The following COL1A1 variants were observed in gnomAD, a reference collection of about 807,000 sequenced individuals.
The protein encoded by COL1A1 is collagen alpha-1(I) chain.
In COL1A1, 21 loss-of-function variants were observed where a neutral mutation model predicts 195.7. That is an observed-to-expected ratio of 0.11 (90% CI 0.08 to 0.15). The LOEUF (loss-of-function observed/expected upper bound fraction) is 0.15. Ranked by LOEUF, COL1A1 falls within the 10% of genes least tolerant of loss-of-function variation. COL1A1 has a pLI of 1.00. For missense variants in COL1A1, 1,365 were observed against 2,051.0 expected (o/e 0.67, Z 6.46); for synonymous variants, 749 against 747.3 (o/e 1.00, Z -0.04).
chr17:50,194,298 C>T lies in COL1A1; in HGVS notation c.1614+51G>A, dbSNP rs1907366267. 1.9e-6 allele frequency: 3 copies of T among 1,607,148 alleles called. No homozygotes were observed. In the East Asian group the frequency reaches 6.7e-5, roughly 36 times the overall value. ...CCAGAACGCCTCATCCCAGACCCTA[C>T]ACGGGATGGTCAGGGCCTGGCCAAG... On this transcript the variant is annotated intron_variant, in intron 23 of 50. Coordinates refer to ENST00000225964, the MANE Select transcript of COL1A1 (RefSeq NM_000088.4). The surrounding 1 kb of genome is among the most constrained non-coding windows in gnomAD (Gnocchi z 6.8).
Position 50,197,103 on chromosome 17 carries a change from C to T in COL1A1, c.751-40G>A, listed in dbSNP as rs1023676679. 7.4e-6 allele frequency: 12 copies of T among 1,613,960 alleles called. No individual in the cohort carries two copies. The Admixed American group carries it at 1.5e-4, about 20-fold the overall frequency. On this transcript the variant is annotated intron_variant, in intron 10 of 50. Transcript: ENST00000225964. ...AGAAGACAAGGAAGGGCCATTAGAA[C>T]ACATCACTGTGGACCCAGCTCCTAA...
chr17:50,192,155 AT>A, intron 29 of COL1A1, 131 bp from the exon 30 acceptor site: 1 of 1,019,152 alleles, frequency 9.8e-7, no homozygotes, highest in Non-Finnish European at 1.5e-6. Context: ...CTGAATTGAG[AT>A]TATCCCAAAC....
rs1178374235 is a variant in COL1A1, at chr17:50,190,123, A to G, written c.2452-15T>C. On this transcript the variant is annotated splice_polypyrimidine_tract_variant and intron_variant, in intron 35 of 50. Transcript: ENST00000225964. The surrounding 1 kb of genome is among the most constrained non-coding windows in gnomAD (Gnocchi z 4.7). ...CCGTCAGCACCCTGGGGGAGGAAGC[A>G]GGGCGGTGAATGGAGGGAAGGAGGC... 1 of 1,610,354 alleles carries G rather than the reference A, an allele frequency of 6.2e-7. No homozygotes were observed.
chr17:50,186,939 G>T lies in COL1A1; in HGVS notation c.3532-17C>A. ...GGGGGGACCCTGCACAGAGAGGGAAGAGAGTGGGGATTACCGGCATCCAAG... is the reference window on the plus strand; with the variant it reads ...GGGGGGACCCTGCACAGAGAGGGAATAGAGTGGGGATTACCGGCATCCAAG... On this transcript the variant is annotated splice_polypyrimidine_tract_variant and intron_variant, in intron 47 of 50. Coordinates refer to ENST00000225964, the MANE Select transcript of COL1A1 (RefSeq NM_000088.4). This position sits in a 1 kb window ranked among gnomAD's most constrained non-coding sequence, Gnocchi z 5.3. 1 of 1,613,418 alleles carries T rather than the reference G, an allele frequency of 6.2e-7. No homozygotes were observed.
rs377123276 is a variant in COL1A1, at chr17:50,188,643, G to A, written c.3100-6C>T. The A allele has an allele frequency of 5.4e-5, 87 of 1,613,766 alleles. No homozygotes were observed. In the Middle Eastern group the frequency reaches 6.6e-4, roughly 12 times the overall value. ...CCGGTCTCACCACGGTCACCCTGGC[G>A]GGGAGAGCAGGGGAATATGGGTCAG... is the stretch of plus-strand genomic sequence containing the variant. On this transcript the variant is annotated splice_region_variant and splice_polypyrimidine_tract_variant and intron_variant, in intron 42 of 50. Coordinates refer to ENST00000225964, the MANE Select transcript of COL1A1 (RefSeq NM_000088.4). The surrounding 1 kb of genome is among the most constrained non-coding windows in gnomAD (Gnocchi z 5.6).
chr17:50,199,649 A>C, intron 2 of COL1A1, 59 bp from the exon 3 acceptor site: 1 of 1,612,828 alleles, frequency 6.2e-7, no homozygotes, highest in Non-Finnish European at 8.5e-7. Context: ...TCCCGTCGGC[A>C]GAGGCCTCCA....
intron 11 of COL1A1, 99 bp from the exon 12 acceptor site, chr17:50,196,769 C>T (rs1028493260): frequency 3.0e-5 from 41 of 1,356,444 alleles, no homozygotes; most frequent in African/African-American, 1.3e-4. Flanking sequence ...AGGTCATCAC[C>T]GCCATCCCTT....
At chr17:50,193,770 C>T (rs1030560137) in intron 25 of COL1A1, 173 bp downstream of exon 25, 11 of 688,702 alleles carry the variant, frequency 1.6e-5, no homozygotes, top group Admixed American at 6.2e-5. Context: ...CATGAGCCAC[C>T]GTGCCCCGCC....
rs776387246 is a variant in COL1A1 at position 50,195,298 on chromosome 17, G to A, written c.1233C>T (p.Phe411=). ...GAPGIAGAPG[F]PGARGPSGPQ... ...GTCCAGAGGGGCCTCGGGCACCAGG[G>A]AAGCCAGGAGCACCAGCAATACCAG... is the stretch of plus-strand genomic sequence containing the variant. The change falls in exon 19 of 51, where the codon TTC becomes TTT. Residue 411 remains phenylalanine (F), a synonymous_variant. Coordinates refer to ENST00000225964, the MANE Select transcript of COL1A1 (RefSeq NM_000088.4). The surrounding 1 kb of genome is among the most constrained non-coding windows in gnomAD (Gnocchi z 4.3). 4.1e-5 allele frequency: 66 copies of A among 1,613,822 alleles called. No individual in the cohort carries two copies. The highest frequency in any genetic ancestry group is 4.1e-5 in the Non-Finnish European group (48 of 1,179,934).
chr17:50,188,173 A>G lies in COL1A1; in HGVS notation c.3208-24T>C. 6.5e-7 allele frequency: 1 copy of G among 1,540,820 alleles called. No individual in the cohort carries two copies. Among genetic ancestry groups the G allele is most frequent in the Non-Finnish European group, 8.8e-7 (1 of 1,140,094 alleles). Reference sequence around the variant, plus strand: ...CCCTGGGGAGAGCAAGGAAAGCATGAGCTCTTGGCCAGGGAAGGCTGAGGC... The same window carrying G: ...CCCTGGGGAGAGCAAGGAAAGCATGGGCTCTTGGCCAGGGAAGGCTGAGGC... On this transcript the variant is annotated intron_variant, in intron 43 of 50. Transcript: ENST00000225964. This position sits in a 1 kb window ranked among gnomAD's most constrained non-coding sequence, Gnocchi z 5.6.
chr17:50,197,643 C>T lies in COL1A1; in HGVS notation c.696+89G>A, dbSNP rs1010085400. On this transcript the variant is annotated intron_variant, in intron 9 of 50. Transcript: ENST00000225964. The stretch of plus-strand genomic sequence containing the variant: ...GACTTGCCCTCCTTCCTCTGAGTAT[C>T]GTTCCCAAATGTGGTGGAGTGGAAA... The T allele has an allele frequency of 2.2e-5, 24 of 1,083,262 alleles. No individual in the cohort carries two copies. The South Asian group carries it at 3.0e-4, about 14-fold the overall frequency. The allele number at this position is 1,083,262 out of a possible 1,614,324, so 67.1% of individuals were successfully genotyped here. A position where few individuals can be genotyped will look rare whatever the true frequency, so the allele number is the denominator to read the frequency against.
At position 50,190,155 on chromosome 17, in the gene COL1A1, T is replaced by A. The variant is rs1229374283; in HGVS notation, c.2452-47A>T. ...TGAATGGAGGGAAGGAGGCAGGAGT[T>A]TCCACTACCTGGGGGAGGAGCAGTA... On this transcript the variant is annotated intron_variant, in intron 35 of 50. Coordinates refer to ENST00000225964, the MANE Select transcript of COL1A1 (RefSeq NM_000088.4). The surrounding 1 kb of genome is among the most constrained non-coding windows in gnomAD (Gnocchi z 4.7). The A allele has an allele frequency of 1.3e-6, 2 of 1,499,852 alleles. No homozygotes were observed. The highest frequency in any genetic ancestry group is 3.3e-5 in the Admixed American group (2 of 59,782). The allele number at this position is 1,499,852 out of a possible 1,614,324, so 92.9% of individuals were successfully genotyped here. A position where few individuals can be genotyped will look rare whatever the true frequency, so the allele number is the denominator to read the frequency against.
chr17:50,196,383 A>G lies in COL1A1; in HGVS notation c.904-16T>C, dbSNP rs772806486. On this transcript the variant is annotated splice_polypyrimidine_tract_variant and intron_variant, in intron 13 of 50. Coordinates refer to ENST00000225964, the MANE Select transcript of COL1A1 (RefSeq NM_000088.4). ...CACGGGGGCCCTGACAACCAAACCA[A>G]GAGAAGTCAGATGAGATGGGAGACA... 4.3e-6 allele frequency: 7 copies of G among 1,613,958 alleles called. No individual in the cohort carries two copies. Among genetic ancestry groups the G allele is most frequent in the Non-Finnish European group, 5.9e-6 (7 of 1,179,918 alleles).
intron 1 of COL1A1, 70 bp downstream of exon 1, chr17:50,201,341 C>G (rs1050336939): frequency 2.8e-6 from 4 of 1,418,122 alleles, no homozygotes; most frequent in Non-Finnish European, 3.9e-6. Context: ...CGTTTTAAGC[C>G]GCGGCCCCCG....
Position 50,185,791 on chromosome 17 carries a change from A to G in COL1A1, c.4235T>C (p.Val1412Ala), listed in dbSNP as rs1906452805. ...GNSRFTYSVT[V>A]DGCTSHTGAW... The stretch of plus-strand genomic sequence containing the variant: ...CTGGGCACTCACCGTGCAGCCATCG[A>G]CAGTGACGCTGTAGGTGAAGCGGCT... The change falls in exon 50 of 51, where the codon GTC (valine) becomes GCC (alanine). Residue 1412 changes from valine to alanine, a missense_variant. Coordinates refer to ENST00000225964, the MANE Select transcript of COL1A1 (RefSeq NM_000088.4). 2.5e-6 allele frequency: 4 copies of G among 1,613,818 alleles called. No individual in the cohort carries two copies. Among genetic ancestry groups the G allele is most frequent in the Middle Eastern group, 3.3e-4 (2 of 6,062 alleles).
At chr17:50,192,949 G>A (rs369507802) in intron 26 of COL1A1, 45 bp downstream of exon 26, 10 of 1,613,398 alleles carry the variant, frequency 6.2e-6, no homozygotes, top group African/African-American at 2.7e-5. Flanking sequence ...AGAAAGTGCC[G>A]GGGCAGCAAT....
At chr17:50,193,894 T>C in intron 25 of COL1A1, 49 bp downstream of exon 25, 1 of 1,535,708 alleles carries the variant, frequency 6.5e-7, no homozygotes. Context: ...CCTTCAAGTC[T>C]CAGGTGTGTT....
In COL1A1 at chr17:50,194,299, A is replaced by C; in HGVS notation, c.1614+50T>G. 2 of 1,603,084 alleles carry C rather than the reference A, an allele frequency of 1.2e-6. No homozygotes were observed. The highest frequency in any genetic ancestry group is 1.7e-6 in the Non-Finnish European group (2 of 1,170,436). ...CAGAACGCCTCATCCCAGACCCTAC[A>C]CGGGATGGTCAGGGCCTGGCCAAGC... On this transcript the variant is annotated intron_variant, in intron 23 of 50. Transcript: ENST00000225964. The surrounding 1 kb of genome is among the most constrained non-coding windows in gnomAD (Gnocchi z 6.8).
At position 50,195,576 on chromosome 17, in the gene COL1A1, A is replaced by C; in HGVS notation, c.1146T>G (p.Ala382=). 6.2e-7 allele frequency: 1 copy of C among 1,613,988 alleles called. No individual in the cohort carries two copies. The highest frequency in any genetic ancestry group is 8.5e-7 in the Non-Finnish European group (1 of 1,179,944). Reference sequence around the variant, plus strand: ...AGTCGGGGACACTTACAGCAGGGCCAGCAGCACCAGCAGGGCCAGGGGGGC... The same window carrying C: ...AGTCGGGGACACTTACAGCAGGGCCCGCAGCACCAGCAGGGCCAGGGGGGC... ...EPGPPGPAGA[A]GPAGNPGADG... Residue 382 remains alanine, a synonymous_variant, in exon 17 of 51, where the codon GCT becomes GCG. Transcript: ENST00000225964. This position sits in a 1 kb window ranked among gnomAD's most constrained non-coding sequence, Gnocchi z 4.3.
Sources: gnomAD v4.1 joint callset for allele counts on GRCh38, gnomAD v4.1.1 for gene constraint, Gnocchi (gnomAD v3.1) non-coding constraint, MANE v1.5 for transcripts, NCBI Gene and HGNC (gene_info 2026-07-23, HGNC 2026-07-21) for gene names.